Variants in MYO16 observed in about 807,000 individuals in gnomAD.
MYO16 encodes myosin XVI.
A neutral mutation model predicts 205.3 loss-of-function variants in MYO16; 94 were observed. The ratio of observed to expected loss-of-function variants is 0.46; its 90% confidence interval spans 0.39 to 0.54. MYO16 has a LOEUF of 0.54. MYO16 is among the 20% of genes least tolerant of loss of function. MYO16 has a pLI of 0.00. For missense variants in MYO16, 2,315 were observed against 2,387.5 expected (o/e 0.97, Z 0.63); for synonymous variants, 988 against 954.0 (o/e 1.04, Z -0.66).
chr13:109,128,592 T>C (rs78586736), intron 31 of MYO16, among the ~76,000 whole-genome samples: 2 of 145,696 alleles, frequency 1.4e-5, no homozygotes, highest in African/African-American at 5.0e-5. Flanking sequence ...AGCCAACTTC[T>C]TTTTTTTTTT....
intron 32 of MYO16, among the ~76,000 whole-genome samples, chr13:109,142,079 C>G (rs920525343): frequency 3.9e-5 from 6 of 152,104 alleles, no homozygotes; most frequent in East Asian, 3.9e-4. Flanking sequence ...ATTTTGTGTC[C>G]CTGTAGAAGA....
At chr13:108,585,608 G>C in the MYO16 span, among the ~76,000 whole-genome samples, 2 of 152,192 alleles carry the variant, frequency 1.3e-5, no homozygotes, top group African/African-American at 4.8e-5. Context: ...ATAGAATGTG[G>C]ATTTTTCCCA....
chr13:108,545,711 G>T, the MYO16 span, among the ~76,000 whole-genome samples: 1 of 152,072 alleles, frequency 6.6e-6, no homozygotes, highest in Non-Finnish European at 1.5e-5. Flanking sequence ...GGTGTGAGAT[G>T]GCACATCACT....
intron 2 of MYO16, among the ~76,000 whole-genome samples, chr13:108,669,570 C>G (rs567594967): frequency 1.3e-5 from 2 of 152,174 alleles, no homozygotes; most frequent in African/African-American, 4.8e-5. Context: ...TCTCTAATGA[C>G]CAGTGATGAT....
intron 20 of MYO16, among the ~76,000 whole-genome samples, chr13:108,976,354 CA>C (rs540329872): frequency 2.2e-4 from 33 of 152,148 alleles, no homozygotes; most frequent in African/African-American, 7.7e-4. Flanking sequence ...TTTCATTTAA[CA>C]GGGACAAAAA....
chr13:109,206,763 C>T lies in MYO16; in HGVS notation c.5570C>T (p.Pro1857Leu). Residue 1857 changes from proline to leucine, a missense_variant, in exon 35 of 35, where the codon CCC (proline) becomes CTC (leucine). Physicochemically the swap from Pro to Leu is moderately conservative, Grantham distance 98. Coordinates refer to ENST00000457511, the MANE Select transcript of MYO16 (RefSeq NM_001198950.3). The stretch of plus-strand genomic sequence containing the variant: ...CCTCCCCCACCACCTTGCAAGAAGC[C>T]CAGCCTTCTGAAGAAGCCGGAAGGG... ...RVPPPPPCKK[P>L]SLLKKPEGAS... 6.2e-7 allele frequency: 1 copy of T among 1,614,160 alleles called. No individual in the cohort carries two copies. Among genetic ancestry groups the T allele is most frequent in the Non-Finnish European group, 8.5e-7 (1 of 1,180,026 alleles).
chr13:108,624,030 T>C (rs1006375423), intron 1 of MYO16, among the ~76,000 whole-genome samples: 1 of 152,166 alleles, frequency 6.6e-6, no homozygotes, highest in African/African-American at 2.4e-5. Context: ...CTTAGTGTGA[T>C]TAAATTGTAA....
intron 4 of MYO16, chr13:108,779,697 C>T (rs1886236964): frequency 1.3e-5 from 2 of 152,156 alleles, no homozygotes; most frequent in African/African-American, 4.8e-5. Flanking sequence ...TAGGGAAACT[C>T]GCCCAGGGAC....
intron 3 of MYO16, among the ~76,000 whole-genome samples, chr13:108,720,536 A>C (rs1884123263): frequency 6.6e-6 from 1 of 152,168 alleles, no homozygotes; most frequent in South Asian, 2.1e-4. Flanking sequence ...ACCTCACGTC[A>C]CTTCTTCTTC....
intron 12 of MYO16, among the ~76,000 whole-genome samples, chr13:108,874,693 C>T (rs867360368): frequency 1.2e-4 from 16 of 128,792 alleles, no homozygotes; most frequent in African/African-American, 4.6e-4. Flanking sequence ...GTTTCATCAT[C>T]ATCATTATTA....
In MYO16 at chr13:109,176,584, A is replaced by AAAAAAAAAAAAAAAAAAG. The variant is rs1879194936; in HGVS notation, c.5324-2956_5324-2939dup. Reference sequence around the variant, plus strand: ...AATAAAATATTGTGCTGGTAAAAAAAAAAAAAAAAAAAAAAAAGACCTCCT... The same window carrying AAAAAAAAAAAAAAAAAAG: ...AATAAAATATTGTGCTGGTAAAAAAAAAAAAAAAAAAAAAAAAGAAAAAAAAAAAAAAAAAGACCTCCT... On this transcript the variant is annotated intron_variant, in intron 33 of 34. Transcript: ENST00000457511. Among the ~76,000 whole-genome samples, 2 of 145,396 alleles carry AAAAAAAAAAAAAAAAAAG rather than the reference A, an allele frequency of 1.4e-5. 1 individual carries two copies. The highest frequency in any genetic ancestry group is 3.0e-5 in the Non-Finnish European group (2 of 66,710).
rs1887404033 is a variant in MYO16, at chr13:109,055,894, A to T, written c.3335+299A>T. On this transcript the variant is annotated intron_variant, in intron 27 of 34. Transcript: ENST00000457511. This position sits in a 1 kb window ranked among gnomAD's most constrained non-coding sequence, Gnocchi z 5.0. The stretch of plus-strand genomic sequence containing the variant: ...TGTAAAATGATTGCATGTGATATTT[A>T]CTATTTATTATTTAAAAGGAGAATG... 4.3e-6 allele frequency: 1 copy of T among 230,700 alleles called. No individual in the cohort carries two copies. The highest frequency in any genetic ancestry group is 8.9e-5 in the East Asian group (1 of 11,258). 14.3% of individuals were successfully genotyped at this position (230,700 alleles called of 1,614,324 possible).
chr13:109,085,551 T>C (rs1014052987), intron 27 of MYO16, among the ~76,000 whole-genome samples: 7 of 152,200 alleles, frequency 4.6e-5, no homozygotes, highest in Non-Finnish European at 1.0e-4. Context: ...GAAGCTGTGC[T>C]ATCCAGAAGG....
At chr13:109,099,171 C>T (rs1888873930) in intron 27 of MYO16, among the ~76,000 whole-genome samples, 2 of 152,206 alleles carry the variant, frequency 1.3e-5, no homozygotes. Flanking sequence ...ATTAGCAGCT[C>T]CTGAGCCAAA....
Position 109,055,993 on chromosome 13 carries a change from A to T in MYO16, c.3335+398A>T, listed in dbSNP as rs41275070. The T allele has an allele frequency of 0.017, 2,728 of 162,160 alleles. 32 individuals are homozygous for T. The highest frequency in any genetic ancestry group is 0.024 in the Non-Finnish European group (1,795 of 73,530). The allele number at this position is 162,160 out of a possible 1,614,324, so 10.0% of individuals were successfully genotyped here. On this transcript the variant is annotated intron_variant, in intron 27 of 34. Coordinates refer to ENST00000457511, the MANE Select transcript of MYO16 (RefSeq NM_001198950.3). This position sits in a 1 kb window ranked among gnomAD's most constrained non-coding sequence, Gnocchi z 5.0. ...GATCAGTGGTTGGCAAACTACACTCATGGGCCAGCCAAATCCAGCCTACCA... is the reference window on the plus strand; with the variant it reads ...GATCAGTGGTTGGCAAACTACACTCTTGGGCCAGCCAAATCCAGCCTACCA...
intron 24 of MYO16, chr13:109,048,806 G>A (rs1238563963): frequency 6.6e-6 from 1 of 151,784 alleles, no homozygotes; most frequent in Non-Finnish European, 1.5e-5. Context: ...GGAAGATGGT[G>A]AGGTCTGTTG....
chr13:108,866,102 TA>T, intron 11 of MYO16, 74 bp from the exon 12 acceptor site: 5 of 960,070 alleles, frequency 5.2e-6, no homozygotes, highest in Non-Finnish European at 7.4e-6. Flanking sequence ...CACTGGTTTT[TA>T]AATTGTATGA....
chr13:108,574,429 T>A, the MYO16 span, among the ~76,000 whole-genome samples: 1 of 152,172 alleles, frequency 6.6e-6, no homozygotes, highest in African/African-American at 2.4e-5. Flanking sequence ...GGTTTCTTGA[T>A]AGAAAATCAT....
At chr13:109,009,119 T>C (rs1029686844) in intron 22 of MYO16, 70 bp downstream of exon 22, 11 of 1,300,906 alleles carry the variant, frequency 8.5e-6, no homozygotes, top group Non-Finnish European at 1.1e-5. Flanking sequence ...CAAAGAATTT[T>C]CTTTCAGGAC....
Sources: gnomAD v4.1 joint callset for allele counts (sites outside exome capture counted in the v4.1 genomes callset) on GRCh38, gnomAD v4.1.1 for gene constraint, Gnocchi (gnomAD v3.1) non-coding constraint, MANE v1.5 for transcripts, NCBI Gene and HGNC (gene_info 2026-07-23, HGNC 2026-07-21) for gene names.